The following GRIK4 variants were observed in gnomAD, a reference collection of about 807,000 sequenced individuals.
GRIK4 encodes glutamate ionotropic receptor kainate type subunit 4.
Under a neutral mutation model 104.9 loss-of-function variants are expected in GRIK4, and 40 were observed. The ratio of observed to expected loss-of-function variants is 0.38; its 90% CI spans 0.30 to 0.50. The LOEUF (loss-of-function observed/expected upper bound fraction) is 0.50. Ranked by LOEUF, GRIK4 falls within the 20% of genes least tolerant of loss-of-function variation. The pLI is 0.93. For missense variants in GRIK4, 1,047 were observed against 1,308.1 expected, an observed-to-expected ratio of 0.80 and a Z score of 3.08; for synonymous variants, 485 against 524.9, an observed-to-expected ratio of 0.92 and a Z score of 1.04.
chr11:120,539,334 G>A (rs1156743766), intron 1 of GRIK4, among the ~76,000 whole-genome samples: 18 of 152,178 alleles, frequency 1.2e-4, no homozygotes, highest in Admixed American at 1.2e-3. Context: ...GACCCCCGAG[G>A]GTGAGCCGGG....
chr11:120,971,901 A>G (rs1230712922), intron 19 of GRIK4, among the ~76,000 whole-genome samples: 1 of 152,212 alleles, frequency 6.6e-6, no homozygotes, highest in Non-Finnish European at 1.5e-5. Flanking sequence ...GGGTAAAGGT[A>G]CTTGGACTGC....
chr11:120,732,391 C>G (rs1265963517), intron 3 of GRIK4, among the ~76,000 whole-genome samples: 1 of 152,158 alleles, frequency 6.6e-6, no homozygotes, highest in South Asian at 2.1e-4. Flanking sequence ...CCTTGGCCTC[C>G]CAAAGCTGGG....
intron 13 of GRIK4, among the ~76,000 whole-genome samples, chr11:120,914,522 G>C (rs1460773868): frequency 6.6e-6 from 1 of 152,194 alleles, no homozygotes; most frequent in Non-Finnish European, 1.5e-5. Context: ...CGAGTGAGCA[G>C]AGCACTGAGG....
intron 1 of GRIK4, among the ~76,000 whole-genome samples, chr11:120,586,176 T>A (rs1948660528): frequency 6.6e-6 from 1 of 151,900 alleles, no homozygotes; most frequent in African/African-American, 2.4e-5. Context: ...GTGGAGTACA[T>A]GGGGGAGTAG....
At chr11:120,548,133 C>T (rs1238226552) in intron 1 of GRIK4, among the ~76,000 whole-genome samples, 5 of 152,186 alleles carry the variant, frequency 3.3e-5, no homozygotes, top group Admixed American at 6.5e-5. Flanking sequence ...AATTGCAGGC[C>T]TGCTGGACTC....
chr11:120,853,249 A>G (rs1288414467), intron 8 of GRIK4, among the ~76,000 whole-genome samples: 4 of 152,200 alleles, frequency 2.6e-5, no homozygotes, highest in Non-Finnish European at 5.9e-5. Context: ...TCATAGCATG[A>G]AAAGACTTGT....
chr11:120,686,010 G>A (rs1950271338), intron 3 of GRIK4, among the ~76,000 whole-genome samples: 1 of 151,998 alleles, frequency 6.6e-6, no homozygotes, highest in Non-Finnish European at 1.5e-5. Flanking sequence ...TTCAGCTGAG[G>A]GATGTTGGGT....
chr11:120,822,084 G>A (rs1024169651), intron 6 of GRIK4, among the ~76,000 whole-genome samples: 1 of 151,632 alleles, frequency 6.6e-6, no homozygotes, highest in East Asian at 1.9e-4. Context: ...GGTGGTACGC[G>A]CCTGTAATCC....
At chr11:120,559,871 C>A (rs1052525627) in intron 1 of GRIK4, among the ~76,000 whole-genome samples, 1 of 152,160 alleles carries the variant, frequency 6.6e-6, no homozygotes, top group Non-Finnish European at 1.5e-5. Flanking sequence ...ACACCAGCAG[C>A]GAGAGGAGAC....
chr11:120,535,749 G>A (rs752219021), intron 1 of GRIK4, among the ~76,000 whole-genome samples: 1 of 152,232 alleles, frequency 6.6e-6, no homozygotes, highest in East Asian at 1.9e-4. Flanking sequence ...CAGCAACTGA[G>A]TGAACGTTGC....
At chr11:120,955,474 G>A (rs1277231767) in intron 15 of GRIK4, among the ~76,000 whole-genome samples, 1 of 152,228 alleles carries the variant, frequency 6.6e-6, no homozygotes, top group Non-Finnish European at 1.5e-5. Flanking sequence ...CCGCCCTCCT[G>A]GGGGTGCACA....
chr11:120,676,868 A>G (rs1215176837), intron 3 of GRIK4, among the ~76,000 whole-genome samples: 1 of 152,188 alleles, frequency 6.6e-6, no homozygotes, highest in African/African-American at 2.4e-5. Context: ...TTTGGGGGCC[A>G]TTATTCTTTC....
intron 3 of GRIK4, among the ~76,000 whole-genome samples, chr11:120,748,402 C>T (rs77063173): frequency 0.016 from 2,366 of 152,154 alleles, 63 homozygotes; most frequent in African/African-American, 0.054. Flanking sequence ...TACGCAGGCC[C>T]CATGTCTGTG....
chr11:120,730,964 G>A (rs1052898597), intron 3 of GRIK4, among the ~76,000 whole-genome samples: 4 of 152,056 alleles, frequency 2.6e-5, no homozygotes, highest in Non-Finnish European at 5.9e-5. Context: ...GTTTTTTGGT[G>A]GAGTCTTCAG....
intron 11 of GRIK4, among the ~76,000 whole-genome samples, chr11:120,897,944 A>G (rs1198592908): frequency 6.6e-6 from 1 of 152,074 alleles, no homozygotes; most frequent in Non-Finnish European, 1.5e-5. Context: ...CAGGACAAGC[A>G]TTATCATCCC....
rs574647162 is a variant in GRIK4, at chr11:120,513,341, G to A, written c.-159+1454G>A. On this transcript the variant is annotated intron_variant, in intron 1 of 20. Coordinates refer to ENST00000527524, the MANE Select transcript of GRIK4 (RefSeq NM_014619.5). This position sits in a 1 kb window ranked among gnomAD's most constrained non-coding sequence, Gnocchi z 4.5. ...CCGGGGAGAGAGGCCGCCTGGGTTG[G>A]TAGTGGGCATCTGAGAGACAAATCC... Among the ~76,000 whole-genome samples the A allele has an allele frequency of 5.9e-4, 90 of 152,298 alleles. 1 individual carries two copies. The highest frequency in any genetic ancestry group is 3.4e-3 in the Middle Eastern group (1 of 294).
At chr11:120,515,603 G>A (rs1211550114) in intron 1 of GRIK4, among the ~76,000 whole-genome samples, 2 of 152,200 alleles carry the variant, frequency 1.3e-5, no homozygotes, top group Admixed American at 6.5e-5. Context: ...CACCCAGAGG[G>A]CAGATTCCTG....
chr11:120,647,120 C>T (rs1949555210), intron 1 of GRIK4, among the ~76,000 whole-genome samples: 1 of 152,184 alleles, frequency 6.6e-6, no homozygotes, highest in Non-Finnish European at 1.5e-5. Context: ...TCTGATGTCC[C>T]ACATCCTACA....
chr11:120,645,981 C>A (rs1949538794), intron 1 of GRIK4, among the ~76,000 whole-genome samples: 1 of 152,206 alleles, frequency 6.6e-6, no homozygotes, highest in Admixed American at 6.5e-5. Context: ...GCGACTGATC[C>A]ATTCAGTGCC....
Sources: allele counts gnomAD v4.1 joint callset (sites outside exome capture counted in the v4.1 genomes callset), GRCh38; gene constraint gnomAD v4.1.1; non-coding constraint Gnocchi (gnomAD v3.1); transcripts MANE v1.5; gene names NCBI Gene and HGNC (gene_info 2026-07-23, HGNC 2026-07-21).